FGFR2: variants seen among roughly 807,000 people sequenced by gnomAD.
The protein encoded by FGFR2 is BEK fibroblast growth factor receptor.
FGFR2 carries 19 observed loss-of-function variants against 95.9 expected under a neutral mutation model. That is an observed-to-expected ratio of 0.20 (90% CI 0.14 to 0.29). The LOEUF is 0.29. Ranked by LOEUF, FGFR2 falls within the 10% of genes least tolerant of loss-of-function variation. The pLI, the probability that FGFR2 is intolerant of heterozygous loss-of-function variation, is 1.00. For missense variants in FGFR2, 707 were observed against 1,056.9 expected, an observed-to-expected ratio of 0.67 and a Z score of 4.59; for synonymous variants, 392 against 393.3, an observed-to-expected ratio of 1.00 and a Z score of 0.04.
chr10:121,509,047 C>A (rs1397596276), intron 9 of FGFR2, among the ~76,000 whole-genome samples: 1 of 152,254 alleles, frequency 6.6e-6, no homozygotes, highest in African/African-American at 2.4e-5. Flanking sequence ...TCCCACTGCT[C>A]ATCTCTGAAA....
chr10:121,482,784 G>A (rs572909816), intron 17 of FGFR2, among the ~76,000 whole-genome samples: 1 of 152,274 alleles, frequency 6.6e-6, no homozygotes, highest in East Asian at 1.9e-4. Flanking sequence ...TATTTTGTTG[G>A]CAAGGATCAT....
chr10:121,578,539 A>G (rs963604404), intron 2 of FGFR2, among the ~76,000 whole-genome samples: 9 of 152,246 alleles, frequency 5.9e-5, no homozygotes, highest in African/African-American at 2.2e-4. Flanking sequence ...GTAGGGATCA[A>G]TGCAATGTTT....
rs77122846 is a variant in FGFR2, at chr10:121,546,399, G to A, written c.624+4891C>T. 9.3e-4 allele frequency among the ~76,000 whole-genome samples: 142 copies of A among 152,244 alleles called. No homozygotes were observed. The East Asian group carries it at 0.018, about 20-fold the overall frequency. On this transcript the variant is annotated intron_variant, in intron 5 of 17. Transcript: ENST00000358487. ...GACGCAAAAGCCCAGGAATAAGTAT[G>A]ATTAGGGAGATAGAGTTATGATTCA...
intron 13 of FGFR2, among the ~76,000 whole-genome samples, chr10:121,489,290 T>A (rs1845828478): frequency 6.6e-6 from 1 of 152,098 alleles, no homozygotes; most frequent in Admixed American, 6.6e-5. Flanking sequence ...GTCAGGCTGG[T>A]CTCGAACTCC....
intron 4 of FGFR2, among the ~76,000 whole-genome samples, chr10:121,562,004 A>C (rs1201286541): frequency 6.6e-6 from 1 of 152,218 alleles, no homozygotes; most frequent in Non-Finnish European, 1.5e-5. Context: ...TTACACACCT[A>C]TCAGAATGGC....
chr10:121,483,706 T>C lies in FGFR2; in HGVS notation c.2293A>G (p.Thr765Ala). Residue 765 changes from threonine to alanine, a missense_variant, in exon 17 of 18, where the codon ACC (threonine) becomes GCC (alanine). This residue lies in a region of FGFR2 where 104 missense variants were observed against 214.2 expected (regional missense o/e 0.49). Coordinates refer to ENST00000358487, the MANE Select transcript of FGFR2 (RefSeq NM_000141.5). ...EDLDRILTLTTNEEYLDLSQP... is the reference protein window; with the variant it reads ...EDLDRILTLTANEEYLDLSQP... The stretch of plus-strand genomic sequence containing the variant: ...TAGAAGGAAGTTCTTACCTCATTGG[T>C]TGTGAGAGTGAGAATTCGATCCAAG... 2 of 1,613,366 alleles carry C rather than the reference T, an allele frequency of 1.2e-6. No individual in the cohort carries two copies. The highest frequency in any genetic ancestry group is 1.7e-6 in the Non-Finnish European group (2 of 1,179,538).
At chr10:121,486,981 A>G (rs1845499164) in intron 15 of FGFR2, among the ~76,000 whole-genome samples, 1 of 152,234 alleles carries the variant, frequency 6.6e-6, no homozygotes, top group Admixed American at 6.5e-5. Context: ...AGAGGGAAAT[A>G]TGACAAACTA....
At chr10:121,487,660 T>A (rs1845595017) in intron 14 of FGFR2, among the ~76,000 whole-genome samples, 1 of 152,214 alleles carries the variant, frequency 6.6e-6, no homozygotes, top group Non-Finnish European at 1.5e-5. Context: ...AGCACACAGA[T>A]GCTCCTTGAC....
At chr10:121,580,983 C>A (rs1338160053) in intron 2 of FGFR2, among the ~76,000 whole-genome samples, 1 of 152,280 alleles carries the variant, frequency 6.6e-6, no homozygotes, top group African/African-American at 2.4e-5. Flanking sequence ...TGGGAGGAGG[C>A]AGAATCCCAT....
At chr10:121,590,005 T>G (rs1862393196) in intron 2 of FGFR2, among the ~76,000 whole-genome samples, 2 of 152,334 alleles carry the variant, frequency 1.3e-5, no homozygotes, top group Middle Eastern at 3.4e-3. Flanking sequence ...AACAAAGGAC[T>G]TAAACCATAC....
intron 11 of FGFR2, among the ~76,000 whole-genome samples, chr10:121,499,197 G>A (rs767265487): frequency 2.6e-5 from 4 of 152,126 alleles, no homozygotes; most frequent in African/African-American, 7.2e-5. Context: ...ATAAACTTCC[G>A]CTCTGTAATT....
intron 4 of FGFR2, among the ~76,000 whole-genome samples, 196 bp from the exon 5 acceptor site, chr10:121,551,655 T>A (rs970224988): frequency 6.6e-6 from 1 of 151,850 alleles, no homozygotes. Context: ...CAGAGAGGGA[T>A]GGTTCATGTC....
At chr10:121,591,444 T>C (rs1368015090) in intron 2 of FGFR2, among the ~76,000 whole-genome samples, 1 of 152,230 alleles carries the variant, frequency 6.6e-6, no homozygotes, top group African/African-American at 2.4e-5. Context: ...CCTGTGCTAA[T>C]TGCTCTTTAT....
intron 17 of FGFR2, among the ~76,000 whole-genome samples, chr10:121,481,651 A>C (rs1844703060): frequency 6.6e-6 from 1 of 152,120 alleles, no homozygotes; most frequent in Non-Finnish European, 1.5e-5. Flanking sequence ...GAAGGAAAGA[A>C]ACTTCGATTT....
chr10:121,499,710 G>A (rs1325152966), intron 11 of FGFR2, among the ~76,000 whole-genome samples: 1 of 152,222 alleles, frequency 6.6e-6, no homozygotes, highest in Non-Finnish European at 1.5e-5. Flanking sequence ...CCCACACCTG[G>A]CCCTGGTACG....
rs67778522 is a variant in FGFR2, at chr10:121,509,482, C to CTTTTTTTTTTTTTTTTTTT, written c.1288-5560_1288-5542dup. 2.2e-4 allele frequency among the ~76,000 whole-genome samples: 10 copies of CTTTTTTTTTTTTTTTTTTT among 45,346 alleles called. 1 individual carries two copies. The highest frequency in any genetic ancestry group is 9.4e-4 in the East Asian group (1 of 1,060). The allele number at this position is 45,346 out of a possible 152,430, so 29.7% of individuals were successfully genotyped here. On this transcript the variant is annotated intron_variant, in intron 9 of 17. Coordinates refer to ENST00000358487, the MANE Select transcript of FGFR2 (RefSeq NM_000141.5). The stretch of plus-strand genomic sequence containing the variant: ...AGAAACAGTGTTATCTGTTTCTTTT[C>CTTTTTTTTTTTTTTTTTTT]TTTTTTTTTTTTTTTTTTTTTTTTT...
chr10:121,598,275 G>C lies in FGFR2; in HGVS notation c.-464C>G, dbSNP rs1863735285. On this transcript the variant is annotated 5_prime_UTR_variant, in exon 1 of 18. Coordinates refer to ENST00000358487, the MANE Select transcript of FGFR2 (RefSeq NM_000141.5). ...GAGCGCGCAGGCAAGCTGCGGCCTC[G>C]GGGCCCCCGGGGCTCGCGGCCGGCC... 2.6e-6 allele frequency: 1 copy of C among 383,830 alleles called. No individual in the cohort carries two copies. 23.8% of individuals were successfully genotyped at this position (383,830 alleles called of 1,614,324 possible).
Position 121,517,161 on chromosome 10 carries a change from C to A in FGFR2, c.1084+158G>T. 1.3e-6 allele frequency: 1 copy of A among 797,140 alleles called. No homozygotes were observed. The highest frequency in any genetic ancestry group is 2.1e-6 in the Non-Finnish European group (1 of 477,450). The allele number at this position is 797,140 out of a possible 1,614,324, so 49.4% of individuals were successfully genotyped here. ...TGGGATCTCACTGTGTGTGAATTTC[C>A]AAGGCAGTTTTCTTATCCCTGAGGG... On this transcript the variant is annotated intron_variant, in intron 8 of 17. Transcript: ENST00000358487. This position sits in a 1 kb window ranked among gnomAD's most constrained non-coding sequence, Gnocchi z 4.7.
At chr10:121,551,153 G>C in intron 5 of FGFR2, 137 bp downstream of exon 5, 1 of 937,472 alleles carries the variant, frequency 1.1e-6, no homozygotes, top group Non-Finnish European at 1.6e-6. Context: ...CTGGGAGATG[G>C]AGGTTGCAGT....
Sources: gnomAD v4.1 joint callset for allele counts (sites outside exome capture counted in the v4.1 genomes callset) on GRCh38, gnomAD v4.1.1 for gene constraint, gnomAD v4.1.1 regional missense constraint, Gnocchi (gnomAD v3.1) non-coding constraint, MANE v1.5 for transcripts, NCBI Gene and HGNC (gene_info 2026-07-23, HGNC 2026-07-21) for gene names.